KCNH1: variants seen among roughly 807,000 people sequenced by gnomAD.
The protein encoded by KCNH1 is potassium voltage-gated channel subfamily H member 1.
Under a neutral mutation model 69.2 loss-of-function variants are expected in KCNH1, and 27 were observed. That is an observed-to-expected ratio of 0.39 (90% CI 0.29 to 0.54). The LOEUF (loss-of-function observed/expected upper bound fraction) is 0.54. KCNH1 is among the 20% of genes least tolerant of loss of function. KCNH1 has a pLI of 0.68. For synonymous variants in KCNH1, 456 were observed against 487.7 expected (o/e 0.93, Z 0.86); for missense variants, 798 against 1,261.6 (o/e 0.63, Z 5.57).
chr1:211,059,205 G>A (rs1338790933), intron 5 of KCNH1, among the ~76,000 whole-genome samples: 1 of 151,820 alleles, frequency 6.6e-6, no homozygotes, highest in Non-Finnish European at 1.5e-5. Context: ...ATTTGAACCT[G>A]GGAGGTGGAG....
At chr1:211,003,270 T>A (rs12026311) in intron 6 of KCNH1, among the ~76,000 whole-genome samples, 22,103 of 152,072 alleles carry the variant, frequency 0.15, 1,875 homozygotes, top group East Asian at 0.38. Context: ...TGAGGAGAAC[T>A]AAAAGAAGTT....
intron 6 of KCNH1, among the ~76,000 whole-genome samples, chr1:211,000,163 G>A (rs538852304): frequency 1.3e-5 from 2 of 152,220 alleles, no homozygotes; most frequent in African/African-American, 4.8e-5. Flanking sequence ...TTGTGGCCAG[G>A]GCAATCAGGC....
At chr1:211,130,918 G>A (rs1453532183) in intron 1 of KCNH1, among the ~76,000 whole-genome samples, 4 of 152,146 alleles carry the variant, frequency 2.6e-5, no homozygotes, top group Admixed American at 1.3e-4. Flanking sequence ...ATTCTGTTGA[G>A]ATGTGGTAGT....
chr1:210,716,862 C>T (rs61040476), intron 10 of KCNH1, among the ~76,000 whole-genome samples: 2,231 of 152,170 alleles, frequency 0.015, 52 homozygotes, highest in African/African-American at 0.051. Flanking sequence ...TTTTTTGGGG[C>T]TAAGAAAGTG....
At chr1:210,708,474 T>C (rs2149015293) in intron 10 of KCNH1, among the ~76,000 whole-genome samples, 1 of 152,214 alleles carries the variant, frequency 6.6e-6, no homozygotes, top group African/African-American at 2.4e-5. Flanking sequence ...CAGTAAACAT[T>C]AGATCTTATA....
chr1:210,861,474 C>T, intron 7 of KCNH1: 2 of 775,266 alleles, frequency 2.6e-6, no homozygotes, highest in Non-Finnish European at 4.8e-6. Context: ...AAAAGTCTTG[C>T]TAAAATATGT....
At chr1:210,995,879 T>A (rs1241732556) in intron 6 of KCNH1, among the ~76,000 whole-genome samples, 2 of 152,134 alleles carry the variant, frequency 1.3e-5, no homozygotes, top group African/African-American at 2.4e-5. Context: ...CAAGTGTAAG[T>A]AATATGCTGT....
chr1:210,862,554 G>A (rs1332486109), intron 7 of KCNH1, among the ~76,000 whole-genome samples: 1 of 152,134 alleles, frequency 6.6e-6, no homozygotes, highest in Non-Finnish European at 1.5e-5. Flanking sequence ...GGCTGGTCTT[G>A]AACTCCTGGT....
intron 10 of KCNH1, among the ~76,000 whole-genome samples, chr1:210,742,581 C>A (rs765102044): frequency 7.9e-5 from 12 of 152,140 alleles, no homozygotes; most frequent in Non-Finnish European, 1.6e-4. Flanking sequence ...TGACAGCAGA[C>A]AGTTTGGGTC....
At chr1:210,762,009 T>C (rs1683533889) in intron 10 of KCNH1, among the ~76,000 whole-genome samples, 1 of 152,042 alleles carries the variant, frequency 6.6e-6, no homozygotes, top group Non-Finnish European at 1.5e-5. Context: ...ACAGCAAGTC[T>C]CAATAAATTC....
intron 5 of KCNH1, among the ~76,000 whole-genome samples, chr1:211,082,321 G>A (rs966719726): frequency 1.3e-4 from 20 of 152,112 alleles, no homozygotes; most frequent in African/African-American, 4.8e-4. Flanking sequence ...TTAGGAAATA[G>A]GATATCTACA....
At chr1:210,838,513 G>T (rs757449964) in intron 7 of KCNH1, among the ~76,000 whole-genome samples, 26 of 152,134 alleles carry the variant, frequency 1.7e-4, no homozygotes, top group Non-Finnish European at 1.2e-4. Context: ...CATGGGCAAA[G>T]ATTTCATGAT....
rs986882245 is a variant in KCNH1 at position 210,760,991 on chromosome 1, G to A, written c.2112+14357C>T. ...GTAAAGGCCGGGCGCGGTGGCTCAC[G>A]CCTGTAATCCCAGCACTTTGGGAGG... is the stretch of plus-strand genomic sequence containing the variant. On this transcript the variant is annotated intron_variant, in intron 10 of 10. Transcript: ENST00000271751. Among the ~76,000 whole-genome samples, 87 of 152,134 alleles carry A rather than the reference G, an allele frequency of 5.7e-4. 1 individual carries two copies. Among genetic ancestry groups the A allele is most frequent in the Admixed American group, 5.5e-3 (84 of 15,290 alleles).
chr1:210,835,017 C>A (rs113626075), intron 7 of KCNH1, among the ~76,000 whole-genome samples: 1 of 152,094 alleles, frequency 6.6e-6, no homozygotes, highest in Admixed American at 6.6e-5. Flanking sequence ...CTTCTGTATG[C>A]GAGTCATAAA....
intron 10 of KCNH1, among the ~76,000 whole-genome samples, chr1:210,720,972 T>G (rs951823097): frequency 2.0e-5 from 3 of 152,160 alleles, no homozygotes; most frequent in Non-Finnish European, 2.9e-5. Context: ...TTTTATAACT[T>G]TAGCAACCAG....
In KCNH1 at chr1:210,798,040, C is replaced by CT. The variant is rs540791928; in HGVS notation, c.1663-281dup. On this transcript the variant is annotated intron_variant, in intron 8 of 10. Transcript: ENST00000271751. Reference sequence around the variant, plus strand: ...AGAGAAGGCTTCTCTGGGAAGGTGACTTTTTTTTTTTTTTTTTAAGACAGA... The same window carrying CT: ...AGAGAAGGCTTCTCTGGGAAGGTGACTTTTTTTTTTTTTTTTTTAAGACAGA... Among the ~76,000 whole-genome samples the CT allele has an allele frequency of 0.42, 55,485 of 131,302 alleles. 11,617 individuals are homozygous for CT. Among genetic ancestry groups the CT allele is most frequent in the African/African-American group, 0.51 (17,854 of 35,204 alleles). 86.1% of individuals were successfully genotyped at this position (131,302 alleles called of 152,430 possible).
At chr1:210,922,525 G>A (rs1016901999) in intron 6 of KCNH1, among the ~76,000 whole-genome samples, 2 of 151,656 alleles carry the variant, frequency 1.3e-5, no homozygotes, top group Non-Finnish European at 2.9e-5. Context: ...GATTTTTGTA[G>A]GCCAAGGGCC....
chr1:210,978,555 A>G (rs1688656069), intron 6 of KCNH1, among the ~76,000 whole-genome samples: 1 of 152,176 alleles, frequency 6.6e-6, no homozygotes, highest in Non-Finnish European at 1.5e-5. Context: ...AACATATTGT[A>G]GTAACTCTAG....
chr1:210,778,646 G>A (rs1325540458), intron 9 of KCNH1, among the ~76,000 whole-genome samples: 1 of 151,972 alleles, frequency 6.6e-6, no homozygotes, highest in East Asian at 1.9e-4. Flanking sequence ...AATGATACAA[G>A]AGAGAGCAAG....
Sources: allele counts gnomAD v4.1 joint callset (sites outside exome capture counted in the v4.1 genomes callset), GRCh38; gene constraint gnomAD v4.1.1; transcripts MANE v1.5; gene names NCBI Gene and HGNC (gene_info 2026-07-23, HGNC 2026-07-21).